Variants in CACNA2D2 observed in about 807,000 individuals in gnomAD.
The protein encoded by CACNA2D2 is calcium voltage-gated channel auxiliary subunit alpha2delta 2.
A neutral mutation model predicts 166.4 loss-of-function variants in CACNA2D2; 48 were observed. The ratio of observed to expected loss-of-function variants is 0.29; its 90% CI spans 0.23 to 0.37. The LOEUF (loss-of-function observed/expected upper bound fraction) is 0.37. CACNA2D2 is among the 10% of genes least tolerant of loss of function. The probability of loss-of-function intolerance (pLI) is 1.00; values close to 1 mark genes in which losing one functional copy is unlikely to be tolerated. For missense variants in CACNA2D2, 1,122 were observed against 1,433.0 expected (o/e 0.78, Z 3.50); for synonymous variants, 561 against 573.7 (o/e 0.98, Z 0.32).
intron 22 of CACNA2D2, among the ~76,000 whole-genome samples, chr3:50,372,854 C>T (rs1428011321): frequency 6.6e-6 from 1 of 151,932 alleles, no homozygotes; most frequent in Non-Finnish European, 1.5e-5. Flanking sequence ...CGGAGAACAC[C>T]CTGCAGGCAG....
intron 2 of CACNA2D2, among the ~76,000 whole-genome samples, chr3:50,466,603 CCCATGCAGCA>C (rs1559976665): frequency 1.3e-5 from 2 of 152,232 alleles, no homozygotes; most frequent in Non-Finnish European, 2.9e-5. Context: ...GCTCACATTC[CCCATGCAGCA>C]CCACGCATCT....
chr3:50,377,599 T>C, intron 16 of CACNA2D2, 58 bp from the exon 17 acceptor site: 1 of 1,583,314 alleles, frequency 6.3e-7, no homozygotes, highest in Non-Finnish European at 8.7e-7. Flanking sequence ...GGAACCACCC[T>C]CCACAAGGCC....
intron 3 of CACNA2D2, among the ~76,000 whole-genome samples, chr3:50,418,898 G>C (rs1200908426): frequency 6.6e-6 from 1 of 152,222 alleles, no homozygotes; most frequent in African/African-American, 2.4e-5. Flanking sequence ...TGGCCTCTGG[G>C]GGAGGGAGAT....
chr3:50,494,455 C>T (rs909700370), intron 1 of CACNA2D2, among the ~76,000 whole-genome samples: 5 of 152,114 alleles, frequency 3.3e-5, no homozygotes, highest in Non-Finnish European at 7.4e-5. Flanking sequence ...CTCAGGAATA[C>T]GCCAGCCCCT....
chr3:50,437,864 C>T (rs1001550165), intron 2 of CACNA2D2, among the ~76,000 whole-genome samples: 1 of 152,212 alleles, frequency 6.6e-6, no homozygotes, highest in Admixed American at 6.5e-5. Flanking sequence ...GCCTCAACCA[C>T]CACAGCAGGA....
At chr3:50,458,936 G>C (rs373106808) in intron 2 of CACNA2D2, among the ~76,000 whole-genome samples, 1 of 152,206 alleles carries the variant, frequency 6.6e-6, no homozygotes, top group African/African-American at 2.4e-5. Context: ...CCAGCCCACC[G>C]ACCTCCATCA....
intron 2 of CACNA2D2, among the ~76,000 whole-genome samples, chr3:50,449,910 A>G (rs1032943624): frequency 1.3e-5 from 2 of 152,160 alleles, no homozygotes; most frequent in Non-Finnish European, 2.9e-5. Flanking sequence ...TGCTTCTCCC[A>G]CACAATGACA....
intron 1 of CACNA2D2, among the ~76,000 whole-genome samples, chr3:50,488,700 T>C (rs1376054592): frequency 6.6e-6 from 1 of 151,518 alleles, no homozygotes; most frequent in Non-Finnish European, 1.5e-5. Context: ...TGTTTTTTTT[T>C]TGTTTGTTTT....
intron 22 of CACNA2D2, chr3:50,373,107 G>T: frequency 6.6e-7 from 1 of 1,526,626 alleles, no homozygotes; most frequent in Non-Finnish European, 8.8e-7. Flanking sequence ...CACCAAGAGA[G>T]AAAGCGAGGA....
intron 3 of CACNA2D2, among the ~76,000 whole-genome samples, chr3:50,425,224 C>T (rs955332700): frequency 2.6e-5 from 4 of 152,182 alleles, no homozygotes; most frequent in Non-Finnish European, 5.9e-5. Flanking sequence ...TTCCAGGTTC[C>T]CCTCCCAGCC....
intron 1 of CACNA2D2, among the ~76,000 whole-genome samples, chr3:50,484,667 C>CG (rs1045739128): frequency 6.6e-6 from 1 of 152,244 alleles, no homozygotes; most frequent in African/African-American, 2.4e-5. Context: ...TTGCACCCCC[C>CG]CCAGCAGCAA....
chr3:50,439,669 C>A (rs1347672757), intron 2 of CACNA2D2, among the ~76,000 whole-genome samples: 1 of 152,320 alleles, frequency 6.6e-6, no homozygotes, highest in African/African-American at 2.4e-5. Flanking sequence ...CTCCTGAGGC[C>A]CAACCCAAAT....
chr3:50,371,758 G>T (rs973812117), intron 22 of CACNA2D2, among the ~76,000 whole-genome samples: 4 of 152,110 alleles, frequency 2.6e-5, no homozygotes, highest in Admixed American at 6.5e-5. Flanking sequence ...GGAAGGGGTT[G>T]GGGGGAAGAG....
intron 3 of CACNA2D2, among the ~76,000 whole-genome samples, chr3:50,411,848 C>T (rs1268056868): frequency 6.6e-6 from 1 of 152,172 alleles, no homozygotes; most frequent in Non-Finnish European, 1.5e-5. Context: ...GAATGGGGCT[C>T]TGAGGCTTGG....
At chr3:50,393,068 G>A (rs903737330) in intron 4 of CACNA2D2, among the ~76,000 whole-genome samples, 4 of 152,174 alleles carry the variant, frequency 2.6e-5, no homozygotes, top group Admixed American at 2.0e-4. Context: ...TTTAGGGCTT[G>A]GAGCATAGGC....
At chr3:50,484,288 G>A (rs745330617) in intron 1 of CACNA2D2, among the ~76,000 whole-genome samples, 11 of 152,116 alleles carry the variant, frequency 7.2e-5, no homozygotes, top group Non-Finnish European at 1.6e-4. Flanking sequence ...CACCCATCAG[G>A]GTTCCTGCAC....
intron 3 of CACNA2D2, among the ~76,000 whole-genome samples, chr3:50,396,577 A>C (rs1706167051): frequency 6.6e-6 from 1 of 152,062 alleles, no homozygotes; most frequent in Non-Finnish European, 1.5e-5. Context: ...CCCAATTCAT[A>C]AGCCTGCAGT....
chr3:50,386,470 G>A (rs1162772449), intron 5 of CACNA2D2, among the ~76,000 whole-genome samples: 6 of 152,328 alleles, frequency 3.9e-5, no homozygotes, highest in South Asian at 2.1e-4. Context: ...TTAAAGGTTC[G>A]CTCTTCATTT....
At chr3:50,405,515 C>T (rs1250429885) in intron 3 of CACNA2D2, among the ~76,000 whole-genome samples, 4 of 152,174 alleles carry the variant, frequency 2.6e-5, no homozygotes. Context: ...TTGCCCAGGC[C>T]CCCTCATTCC....
Sources: gnomAD v4.1 joint callset for allele counts (sites outside exome capture counted in the v4.1 genomes callset) on GRCh38, gnomAD v4.1.1 for gene constraint, MANE v1.5 for transcripts, NCBI Gene and HGNC (gene_info 2026-07-23, HGNC 2026-07-21) for gene names.